DDX50: variants seen among roughly 807,000 people sequenced by gnomAD.
DDX50 encodes the protein ATP-dependent RNA helicase DDX50.
Under a neutral mutation model 94.8 loss-of-function variants are expected in DDX50, and 56 were observed. The ratio of observed to expected loss-of-function variants is 0.59; its 90% CI spans 0.48 to 0.74. DDX50 has a LOEUF of 0.74. DDX50 is among the 30% of genes least tolerant of loss of function. The pLI, the probability that DDX50 is intolerant of heterozygous loss-of-function variation, is 0.00. For synonymous variants in DDX50, 264 were observed against 295.4 expected (o/e 0.89, Z 1.09); for missense variants, 713 against 881.2 (o/e 0.81, Z 2.42).
chr10:68,925,094 G>GTTTTTTTTTTTT (rs752888119), intron 8 of DDX50, among the ~76,000 whole-genome samples: 1 of 89,034 alleles, frequency 1.1e-5, no homozygotes, highest in African/African-American at 4.0e-5. Flanking sequence ...CCCTGCTCAT[G>GTTTTTTTTTTTT]GTTTTTTTTT....
chr10:68,941,334 A>G (rs1424926754), intron 13 of DDX50, 140 bp downstream of exon 13: 1 of 1,179,614 alleles, frequency 8.5e-7, no homozygotes, highest in East Asian at 2.6e-5. Flanking sequence ...GTTTCCAGTT[A>G]TAAATTTGGG....
chr10:68,925,080 C>G (rs1842044888), intron 8 of DDX50, among the ~76,000 whole-genome samples: 1 of 146,642 alleles, frequency 6.8e-6, no homozygotes, highest in Non-Finnish European at 1.5e-5. Flanking sequence ...CAAGAATTAT[C>G]CTTCCCTGCT....
In DDX50 at chr10:68,946,506, C is replaced by T; in HGVS notation, c.2090C>T (p.Ser697Phe). The change falls in exon 15 of 15, where the codon TCT becomes TTT. Residue 697 changes from serine to phenylalanine, a missense_variant. This residue lies in a region of DDX50 where 428 missense variants were observed against 602.3 expected (regional missense o/e 0.71). Transcript: ENST00000373585. ...SGRSGRSGGR[S>F]GGRSGRQSRQ... Reference sequence around the variant, plus strand: ...CGGTCAGGCCGGTCAGGTGGTCGATCTGGCGGCCGGTCAGGTAGACAGAGT... The same window carrying T: ...CGGTCAGGCCGGTCAGGTGGTCGATTTGGCGGCCGGTCAGGTAGACAGAGT... 6.2e-7 allele frequency: 1 copy of T among 1,614,168 alleles called. No homozygotes were observed. The highest frequency in any genetic ancestry group is 8.5e-7 in the Non-Finnish European group (1 of 1,180,020).
intron 1 of DDX50, among the ~76,000 whole-genome samples, chr10:68,901,822 A>G (rs978056700): frequency 6.6e-6 from 1 of 152,168 alleles, no homozygotes; most frequent in Non-Finnish European, 1.5e-5. Context: ...GCCCTCTTAG[A>G]AGATGATTAA....
intron 1 of DDX50, among the ~76,000 whole-genome samples, chr10:68,903,425 T>C (rs1246663948): frequency 6.6e-6 from 1 of 151,536 alleles, no homozygotes; most frequent in Admixed American, 6.6e-5. Flanking sequence ...CCCAGCACTT[T>C]GGGAGGCTGA....
At chr10:68,922,186 TTC>T (rs1193987424) in intron 8 of DDX50, among the ~76,000 whole-genome samples, 4 of 152,090 alleles carry the variant, frequency 2.6e-5, no homozygotes, top group African/African-American at 4.8e-5. Context: ...TTTTCAAAAT[TTC>T]TCTCTTTTTT....
chr10:68,946,428 A>G lies in DDX50; in HGVS notation c.2012A>G (p.Asn671Ser), dbSNP rs1344279452. ...LPEIEEYYDG[N>S]TSSNSRQRSG... ...GAAATTGAAGAATATTATGATGGAA[A>G]CACATCTTCTAATTCCAGACAGAGG... is the stretch of plus-strand genomic sequence containing the variant. The change falls in exon 15 of 15, where the codon AAC (asparagine) becomes AGC (serine). Residue 671 changes from asparagine to serine, a missense_variant. By Grantham distance (46) the Asn-to-Ser change is conservative. Coordinates refer to ENST00000373585, the MANE Select transcript of DDX50 (RefSeq NM_024045.2). 7 of 1,614,252 alleles carry G rather than the reference A, an allele frequency of 4.3e-6. No individual in the cohort carries two copies. In the East Asian group the frequency reaches 1.6e-4, roughly 36 times the overall value.
At chr10:68,915,532 A>G (rs1278475792) in intron 7 of DDX50, among the ~76,000 whole-genome samples, 1 of 152,180 alleles carries the variant, frequency 6.6e-6, no homozygotes, top group African/African-American at 2.4e-5. Flanking sequence ...CCTGGCCAAC[A>G]TGGCGATACC....
chr10:68,939,876 G>A (rs1842515927), intron 12 of DDX50, among the ~76,000 whole-genome samples: 1 of 148,302 alleles, frequency 6.7e-6, no homozygotes, highest in African/African-American at 2.5e-5. Context: ...ACAGGTGTAG[G>A]TACATGCACA....
intron 13 of DDX50, 43 bp downstream of exon 13, chr10:68,941,237 C>A: frequency 6.3e-7 from 1 of 1,596,614 alleles, no homozygotes; most frequent in Non-Finnish European, 8.5e-7. Flanking sequence ...AATCAACTAC[C>A]CCAAATGTTT....
At chr10:68,919,769 C>G in intron 7 of DDX50, 63 bp from the exon 8 acceptor site, 1 of 1,577,804 alleles carries the variant, frequency 6.3e-7, no homozygotes, top group South Asian at 1.2e-5. Context: ...AAAAAATACA[C>G]AAGAGAAATA....
Position 68,936,078 on chromosome 10 carries a change from A to G in DDX50, c.1594A>G (p.Arg532Gly). 6.2e-7 allele frequency: 1 copy of G among 1,608,332 alleles called. No individual in the cohort carries two copies. The highest frequency in any genetic ancestry group is 8.5e-7 in the Non-Finnish European group (1 of 1,177,524). ...TAAATCTAAAAGCATGGATGCCATC[A>G]GGTATGCTTTCTGAACTTGCTGAAT... is the stretch of plus-strand genomic sequence containing the variant. ...LVKSKSMDAI[R>G]SLASVSYAAV... Residue 532 changes from arginine to glycine, a missense_variant and splice_region_variant, in exon 11 of 15, where the codon AGG (arginine) becomes GGG (glycine). Physicochemically the swap from Arg to Gly is moderately radical, Grantham distance 125 (BLOSUM62 -2). This residue lies in a region of DDX50 where 428 missense variants were observed against 602.3 expected (regional missense o/e 0.71). Coordinates refer to ENST00000373585, the MANE Select transcript of DDX50 (RefSeq NM_024045.2).
intron 10 of DDX50, 33 bp from the exon 11 acceptor site, chr10:68,935,973 C>T (rs1363039613): frequency 7.0e-7 from 1 of 1,429,100 alleles, no homozygotes; most frequent in Non-Finnish European, 9.6e-7. Flanking sequence ...TAAAGACTTC[C>T]ATTTTTCTTT....
intron 8 of DDX50, among the ~76,000 whole-genome samples, chr10:68,924,672 A>G (rs1382084589): frequency 6.6e-6 from 1 of 152,142 alleles, no homozygotes; most frequent in Non-Finnish European, 1.5e-5. Context: ...GCTGTTAAAA[A>G]AAAAAGGTCT....
At chr10:68,905,327 A>G (rs1413894505) in intron 1 of DDX50, among the ~76,000 whole-genome samples, 1 of 151,758 alleles carries the variant, frequency 6.6e-6, no homozygotes, top group Non-Finnish European at 1.5e-5. Flanking sequence ...GTGTTTTTTA[A>G]AAAAATTAAC....
rs760176714 is a variant in DDX50 at position 68,934,196 on chromosome 10, T to C, written c.1240-3T>C. 9.9e-6 allele frequency: 16 copies of C among 1,608,538 alleles called. No individual in the cohort carries two copies. The Admixed American group carries it at 2.7e-4, about 27-fold the overall frequency. ...CTTAATTTTCTCCCCCTTTCTCAAA[T>C]AGAATGCCCAGTGTTTACATGGGGA... On this transcript the variant is annotated splice_polypyrimidine_tract_variant and splice_region_variant and intron_variant, in intron 8 of 14. Transcript: ENST00000373585. This position sits in a 1 kb window ranked among gnomAD's most constrained non-coding sequence, Gnocchi z 4.0.
chr10:68,916,091 C>T (rs1841782192), intron 7 of DDX50, among the ~76,000 whole-genome samples: 1 of 152,148 alleles, frequency 6.6e-6, no homozygotes, highest in South Asian at 2.1e-4. Flanking sequence ...CGTGGTAGCT[C>T]ATGCCTGTAA....
rs138028727 is a variant in DDX50, at chr10:68,921,532, G to A, written c.1239+1551G>A. 4.8e-4 allele frequency among the ~76,000 whole-genome samples: 73 copies of A among 152,246 alleles called. 1 individual carries two copies. In the East Asian group the frequency reaches 0.014, roughly 29 times the overall value. ...TGTTTAGGGCAGAACTACTTCATAGGTGGTGTACTTCCGGCAGGAGGTATA... is the reference window on the plus strand; with the variant it reads ...TGTTTAGGGCAGAACTACTTCATAGATGGTGTACTTCCGGCAGGAGGTATA... On this transcript the variant is annotated intron_variant, in intron 8 of 14. Transcript: ENST00000373585.
intron 8 of DDX50, among the ~76,000 whole-genome samples, chr10:68,931,417 A>ATG: frequency 1.2e-5 from 1 of 85,640 alleles, no homozygotes; most frequent in South Asian, 4.0e-4. Flanking sequence ...ATATGTATAT[A>ATG]TATATATATA....
Sources: gnomAD v4.1 joint callset for allele counts (sites outside exome capture counted in the v4.1 genomes callset) on GRCh38, gnomAD v4.1.1 for gene constraint, gnomAD v4.1.1 regional missense constraint, Gnocchi (gnomAD v3.1) non-coding constraint, MANE v1.5 for transcripts, NCBI Gene and HGNC (gene_info 2026-07-23, HGNC 2026-07-21) for gene names.